Variants in TBC1D2B observed in about 807,000 individuals in gnomAD.
The protein encoded by TBC1D2B is TBC1 domain family, member 2B.
Under a neutral mutation model 100.8 loss-of-function variants are expected in TBC1D2B, and 64 were observed. That is an observed-to-expected ratio of 0.64 (90% confidence interval 0.52 to 0.78). The LOEUF (loss-of-function observed/expected upper bound fraction) is 0.78, where lower values mean the gene tolerates loss of function less well. Among genes scored for constraint, TBC1D2B ranks in the 30% least tolerant of loss-of-function variants. TBC1D2B has a pLI of 0.00. For synonymous variants in TBC1D2B, 480 were observed against 479.7 expected (o/e 1.00, Z -0.01); for missense variants, 1,052 against 1,218.4 (o/e 0.86, Z 2.03).
rs115249230 is a variant in TBC1D2B, at chr15:78,023,094, A to G, written c.1470+1062T>C. Among the ~76,000 whole-genome samples the G allele has an allele frequency of 6.7e-3, 1,020 of 152,242 alleles. 12 individuals carry two copies. Among genetic ancestry groups the G allele is most frequent in the African/African-American group, 0.024 (985 of 41,534 alleles). ...TAGCATGCCTATCATTCCCTCACTC[A>G]ATGCATCGCCTGAAAGGTACTGCTA... On this transcript the variant is annotated intron_variant, in intron 6 of 12. Coordinates refer to ENST00000300584, the MANE Select transcript of TBC1D2B (RefSeq NM_144572.2).
Position 78,054,193 on chromosome 15 carries a change from A to T in TBC1D2B, c.361-6T>A, listed in dbSNP as rs1409204842. ...ATGAGTTGACGATTGGGAGCCTAGA[A>T]AGAGGGAGGGGAAAAACATGTTATG... On this transcript the variant is annotated splice_region_variant and splice_polypyrimidine_tract_variant and intron_variant, in intron 1 of 12. Coordinates refer to ENST00000300584, the MANE Select transcript of TBC1D2B (RefSeq NM_144572.2). The T allele has an allele frequency of 6.2e-7, 1 of 1,609,688 alleles. No individual in the cohort carries two copies. Among genetic ancestry groups the T allele is most frequent in the South Asian group, 1.1e-5 (1 of 90,284 alleles).
intron 2 of TBC1D2B, among the ~76,000 whole-genome samples, chr15:78,052,891 C>T (rs779353661): frequency 3.3e-5 from 5 of 152,036 alleles, no homozygotes; most frequent in Non-Finnish European, 5.9e-5. Flanking sequence ...AACATAAGGG[C>T]GCATAAAGTT....
At chr15:78,018,141 G>A (rs2072424043) in intron 6 of TBC1D2B, among the ~76,000 whole-genome samples, 184 bp from the exon 7 acceptor site, 1 of 152,214 alleles carries the variant, frequency 6.6e-6, no homozygotes, top group Non-Finnish European at 1.5e-5. Context: ...ATTTACAGTA[G>A]TAGAAGGCAG....
chr15:78,016,027 G>A (rs573326678), intron 8 of TBC1D2B, among the ~76,000 whole-genome samples: 2 of 152,282 alleles, frequency 1.3e-5, no homozygotes, highest in African/African-American at 2.4e-5. Context: ...GCTGAACTGC[G>A]TGAATCTGTA....
chr15:78,011,140 G>A (rs1436831644), intron 9 of TBC1D2B, among the ~76,000 whole-genome samples: 1 of 152,178 alleles, frequency 6.6e-6, no homozygotes, highest in Admixed American at 6.5e-5. Flanking sequence ...CTGTCTAGGA[G>A]TAGCTATAGT....
intron 6 of TBC1D2B, among the ~76,000 whole-genome samples, chr15:78,020,614 T>C (rs2072493296): frequency 6.6e-6 from 1 of 152,158 alleles, no homozygotes; most frequent in South Asian, 2.1e-4. Flanking sequence ...AGGTCCTAAG[T>C]GGTGATCTGG....
chr15:78,021,465 C>A (rs2072514308), intron 6 of TBC1D2B, among the ~76,000 whole-genome samples: 1 of 152,176 alleles, frequency 6.6e-6, no homozygotes, highest in South Asian at 2.1e-4. Context: ...TCTGTCAGTG[C>A]GCTCCCTCTT....
At chr15:78,054,640 G>A (rs1046782152) in intron 1 of TBC1D2B, among the ~76,000 whole-genome samples, 1 of 152,142 alleles carries the variant, frequency 6.6e-6, no homozygotes, top group Non-Finnish European at 1.5e-5. Flanking sequence ...TTAAAAACGA[G>A]CTGGCACTCC....
At chr15:78,043,221 C>T (rs2073124993) in intron 3 of TBC1D2B, among the ~76,000 whole-genome samples, 2 of 152,148 alleles carry the variant, frequency 1.3e-5, no homozygotes, top group African/African-American at 4.8e-5. Flanking sequence ...CTTTTTAAAA[C>T]AGTGTGTCCT....
chr15:78,009,155 A>C, intron 9 of TBC1D2B, 41 bp from the exon 10 acceptor site: 1 of 1,392,308 alleles, frequency 7.2e-7, no homozygotes. Context: ...CCAGGCACAG[A>C]CAGCTGCTAC....
chr15:78,034,457 G>T (rs1489539214), intron 3 of TBC1D2B: 1 of 979,550 alleles, frequency 1.0e-6, no homozygotes, highest in Non-Finnish European at 1.2e-6. Context: ...TCAATTTTAG[G>T]AGTTAAATTC....
intron 3 of TBC1D2B, among the ~76,000 whole-genome samples, chr15:78,044,470 C>T (rs906925837): frequency 3.9e-5 from 6 of 152,184 alleles, no homozygotes; most frequent in African/African-American, 1.4e-4. Flanking sequence ...CCTCTACTCT[C>T]ACTAGCCCAT....
intron 1 of TBC1D2B, among the ~76,000 whole-genome samples, chr15:78,073,754 G>C (rs1018798011): frequency 2.0e-5 from 3 of 152,040 alleles, no homozygotes; most frequent in Non-Finnish European, 4.4e-5. Flanking sequence ...GGTGGATCAC[G>C]AGGTCAGGAG....
intron 4 of TBC1D2B, among the ~76,000 whole-genome samples, chr15:78,026,528 T>A (rs1243042912): frequency 1.3e-5 from 2 of 152,216 alleles, no homozygotes; most frequent in African/African-American, 4.8e-5. Flanking sequence ...CTGTTCATTA[T>A]AAATTACTCA....
chr15:78,037,742 A>G (rs2072981933), intron 3 of TBC1D2B, among the ~76,000 whole-genome samples: 1 of 152,228 alleles, frequency 6.6e-6, no homozygotes, highest in African/African-American at 2.4e-5. Flanking sequence ...GAGTGAGGAA[A>G]TCAATTTTGA....
At position 78,025,420 on chromosome 15, in the gene TBC1D2B, C is replaced by T. The variant is rs1171963490; in HGVS notation, c.925G>A (p.Gly309Arg). 1 of 1,613,818 alleles carries T rather than the reference C, an allele frequency of 6.2e-7. No individual in the cohort carries two copies. Among genetic ancestry groups the T allele is most frequent in the Non-Finnish European group, 8.5e-7 (1 of 1,179,904 alleles). ...CTGCTGTGACGATTTTTGTACGACCCAATTATGTCTTTCAAAGGGCGCTTT... is the reference window on the plus strand; with the variant it reads ...CTGCTGTGACGATTTTTGTACGACCTAATTATGTCTTTCAAAGGGCGCTTT... ...KGKRPLKDII[G>R]SYKNRHSSGD... Residue 309 changes from glycine (G) to arginine (R), a missense_variant, in exon 5 of 13, where the codon GGG (glycine) becomes AGG (arginine). Coordinates refer to ENST00000300584, the MANE Select transcript of TBC1D2B (RefSeq NM_144572.2).
intron 1 of TBC1D2B, among the ~76,000 whole-genome samples, chr15:78,076,923 T>A (rs1050023532): frequency 6.6e-6 from 1 of 152,132 alleles, no homozygotes; most frequent in Non-Finnish European, 1.5e-5. Flanking sequence ...ATAGGCAAAG[T>A]TCTAAAGGAG....
intron 10 of TBC1D2B, among the ~76,000 whole-genome samples, chr15:78,007,605 G>T (rs2072101717): frequency 6.6e-6 from 1 of 152,184 alleles, no homozygotes. Context: ...ACTTGCTCAG[G>T]GTCCAGCCAG....
intron 2 of TBC1D2B, among the ~76,000 whole-genome samples, chr15:78,047,791 G>C (rs776888913): frequency 1.7e-4 from 26 of 152,272 alleles, no homozygotes; most frequent in Non-Finnish European, 3.5e-4. Flanking sequence ...ACCTACTAGA[G>C]AGCACAGTGT....
Sources: gnomAD v4.1 joint callset for allele counts (sites outside exome capture counted in the v4.1 genomes callset) on GRCh38, gnomAD v4.1.1 for gene constraint, MANE v1.5 for transcripts, NCBI Gene and HGNC (gene_info 2026-07-23, HGNC 2026-07-21) for gene names.